The following NUDT6 variants were observed in gnomAD, a reference collection of about 807,000 sequenced individuals.
The protein encoded by NUDT6 is nudix hydrolase 6.
NUDT6 carries 24 observed loss-of-function variants against 36.8 expected under a neutral mutation model. That is an observed-to-expected ratio of 0.65 (90% CI 0.47 to 0.92). The LOEUF (loss-of-function observed/expected upper bound fraction) is 0.92, where lower values mean the gene tolerates loss of function less well. Ranked by LOEUF, NUDT6 falls within the 40% of genes least tolerant of loss-of-function variation. The probability of loss-of-function intolerance (pLI) is 0.00; values close to 1 mark genes in which losing one functional copy is unlikely to be tolerated. For synonymous variants in NUDT6, 163 were observed against 157.0 expected (o/e 1.04, Z -0.29); for missense variants, 388 against 392.8 (o/e 0.99, Z 0.10).
At chr4:122,917,263 T>C (rs1727863664) in intron 2 of NUDT6, among the ~76,000 whole-genome samples, 1 of 152,196 alleles carries the variant, frequency 6.6e-6, no homozygotes, top group Non-Finnish European at 1.5e-5. Context: ...AACTTTATCA[T>C]AAATATGTGT....
chr4:122,919,202 T>C (rs528372582), intron 1 of NUDT6: 1 of 152,298 alleles, frequency 6.6e-6, no homozygotes, highest in African/African-American at 2.4e-5. Context: ...CTTCACAAAG[T>C]GTGTTCAAAA....
At chr4:122,921,898 C>T (rs1043164825) in intron 1 of NUDT6, 6 of 157,082 alleles carry the variant, frequency 3.8e-5, no homozygotes, top group African/African-American at 1.2e-4. Flanking sequence ...GTAAAGGATA[C>T]TAATAATGTA....
At chr4:122,915,489 A>AAC (rs1560773948) in intron 2 of NUDT6, among the ~76,000 whole-genome samples, 2 of 148,700 alleles carry the variant, frequency 1.3e-5, no homozygotes, top group African/African-American at 2.5e-5. Flanking sequence ...AAAAAAAAAA[A>AAC]AAAAAAAAAC....
chr4:122,911,269 T>C (rs1479101162), intron 3 of NUDT6, among the ~76,000 whole-genome samples: 1 of 152,172 alleles, frequency 6.6e-6, no homozygotes, highest in African/African-American at 2.4e-5. Flanking sequence ...TGCATATTGT[T>C]ATTAGATTAA....
chr4:122,911,096 T>C lies in NUDT6; in HGVS notation c.498+1472A>G, dbSNP rs1727723793. Among the ~76,000 whole-genome samples the C allele has an allele frequency of 2.0e-5, 3 of 152,196 alleles. No homozygotes were observed. In the South Asian group the frequency reaches 6.2e-4, roughly 32 times the overall value. The stretch of plus-strand genomic sequence containing the variant: ...TACATACAGTATTTCGGGCATATCA[T>C]CTATCTGCTATATTGGAGAGAGTTA... On this transcript the variant is annotated intron_variant, in intron 3 of 4. Transcript: ENST00000304430.
At chr4:122,908,519 G>A (rs1228637460) in intron 3 of NUDT6, among the ~76,000 whole-genome samples, 2 of 152,040 alleles carry the variant, frequency 1.3e-5, no homozygotes, top group East Asian at 1.9e-4. Context: ...CTTTTCAGGC[G>A]AAATAAATGT....
intron 4 of NUDT6, chr4:122,895,595 A>AT (rs1210951253): frequency 6.6e-6 from 1 of 152,112 alleles, no homozygotes; most frequent in East Asian, 1.9e-4. Flanking sequence ...TGGTAATACG[A>AT]TTTTTTAAGA....
rs1727812559 is a variant in NUDT6, at chr4:122,915,474, A to AAAAAAAAAAAC, written c.442+2026_442+2027insGTTTTTTTTTT. On this transcript the variant is annotated intron_variant, in intron 2 of 4. Transcript: ENST00000304430. Reference sequence around the variant, plus strand: ...GACAAAGTGAGACCCTGCCTCAAAAAAAAAAAAAAAAAAAAAAAAAAAAAC... The same window carrying AAAAAAAAAAAC: ...GACAAAGTGAGACCCTGCCTCAAAAAAAAAAAAAAACAAAAAAAAAAAAAAAAAAAAAAAAC... Among the ~76,000 whole-genome samples, 3 of 53,754 alleles carry AAAAAAAAAAAC rather than the reference A, an allele frequency of 5.6e-5. 1 individual carries two copies. The highest frequency in any genetic ancestry group is 6.6e-5 in the African/African-American group (1 of 15,106). 35.3% of individuals were successfully genotyped at this position (53,754 alleles called of 152,430 possible). A position where few individuals can be genotyped will look rare whatever the true frequency, so the allele number is the denominator to read the frequency against.
chr4:122,922,251 A>C, intron 1 of NUDT6, 84 bp downstream of exon 1: 1 of 1,210,162 alleles, frequency 8.3e-7, no homozygotes, highest in East Asian at 2.5e-5. Flanking sequence ...AGTGGTGCAC[A>C]GAGCGACTAG....
At chr4:122,912,433 A>G in intron 3 of NUDT6, 135 bp downstream of exon 3, 1 of 670,834 alleles carries the variant, frequency 1.5e-6, no homozygotes, top group Non-Finnish European at 2.6e-6. Context: ...ATCTAAGGTG[A>G]TCCATAACTG....
intron 3 of NUDT6, among the ~76,000 whole-genome samples, chr4:122,910,154 CCT>C (rs1727704361): frequency 6.6e-6 from 1 of 152,128 alleles, no homozygotes; most frequent in Non-Finnish European, 1.5e-5. Context: ...TCACTATTAC[CCT>C]GTTTTAAAAA....
At chr4:122,913,009 A>T (rs1727760589) in intron 2 of NUDT6, among the ~76,000 whole-genome samples, 2 of 152,226 alleles carry the variant, frequency 1.3e-5, no homozygotes, top group African/African-American at 4.8e-5. Flanking sequence ...GGAATTTTCC[A>T]CTAGTGGCAT....
intron 4 of NUDT6, chr4:122,896,341 A>G (rs1305462474): frequency 2.0e-5 from 3 of 152,584 alleles, no homozygotes; most frequent in Non-Finnish European, 4.4e-5. Context: ...AATTCAGAGG[A>G]CCCATAAGAG....
At chr4:122,898,951 G>C (rs1727448136) in intron 3 of NUDT6, among the ~76,000 whole-genome samples, 1 of 151,748 alleles carries the variant, frequency 6.6e-6, no homozygotes, top group Non-Finnish European at 1.5e-5. Context: ...CACCATCAGA[G>C]CTCACTGCAG....
At chr4:122,922,265 G>C in intron 1 of NUDT6, 70 bp downstream of exon 1, 1 of 1,367,934 alleles carries the variant, frequency 7.3e-7, no homozygotes, top group East Asian at 2.4e-5. Flanking sequence ...CGACTAGGGA[G>C]TGGGGGCCGC....
chr4:122,901,306 A>C (rs1040949602), intron 3 of NUDT6, among the ~76,000 whole-genome samples: 16 of 152,204 alleles, frequency 1.1e-4, no homozygotes, highest in African/African-American at 3.9e-4. Flanking sequence ...TCTGATTTTC[A>C]CATACTACAA....
rs774001782 is a variant in NUDT6, at chr4:122,893,225, C to G, written c.554G>C (p.Gly185Ala). 6.3e-7 allele frequency: 1 copy of G among 1,587,068 alleles called. No individual in the cohort carries two copies. Among genetic ancestry groups the G allele is most frequent in the Non-Finnish European group, 8.6e-7 (1 of 1,166,920 alleles). The change falls in exon 5 of 5, where the codon GGA becomes GCA. Residue 185 changes from glycine to alanine, a missense_variant and splice_region_variant. Gly to Ala is a moderately conservative substitution (Grantham distance 60). Coordinates refer to ENST00000304430, the MANE Select transcript of NUDT6 (RefSeq NM_007083.5). ...GGLSEPEEDI[G>A]DTAVREVFEE... ...AAAAACTTCTCGAACCGCTGTGTCTCCTACGTAAAAAAAGAGATGTACAAA... is the reference window on the plus strand; with the variant it reads ...AAAAACTTCTCGAACCGCTGTGTCTGCTACGTAAAAAAAGAGATGTACAAA...
intron 3 of NUDT6, among the ~76,000 whole-genome samples, chr4:122,903,595 C>G (rs1384242817): frequency 6.6e-6 from 1 of 152,174 alleles, no homozygotes; most frequent in Non-Finnish European, 1.5e-5. Context: ...CCCTTCTGTA[C>G]TTGCTTAGTG....
chr4:122,901,940 CT>C (rs1727531921), intron 3 of NUDT6, among the ~76,000 whole-genome samples: 1 of 152,200 alleles, frequency 6.6e-6, no homozygotes. Flanking sequence ...GGGCACAGAC[CT>C]GCTAGCCTTT....
Sources: allele counts gnomAD v4.1 joint callset (sites outside exome capture counted in the v4.1 genomes callset), GRCh38; gene constraint gnomAD v4.1.1; transcripts MANE v1.5; gene names NCBI Gene and HGNC (gene_info 2026-07-23, HGNC 2026-07-21).